The following SGSM1 variants were observed in gnomAD, a reference collection of about 807,000 sequenced individuals.
The protein encoded by SGSM1 is small G protein signaling modulator 1, also known as RUN and TBC1 domain containing 2.
A neutral mutation model predicts 133.8 loss-of-function variants in SGSM1; 73 were observed. That is an observed-to-expected ratio of 0.55 (90% confidence interval 0.45 to 0.66). The LOEUF is 0.66. Among genes scored for constraint, SGSM1 ranks in the 30% least tolerant of loss-of-function variants. The probability of loss-of-function intolerance (pLI) is 0.00; values close to 1 mark genes in which losing one functional copy is unlikely to be tolerated. For synonymous variants in SGSM1, 563 were observed against 573.0 expected, an observed-to-expected ratio of 0.98 and a Z score of 0.25; for missense variants, 1,213 against 1,448.1, an observed-to-expected ratio of 0.84 and a Z score of 2.64.
intron 2 of SGSM1, among the ~76,000 whole-genome samples, chr22:24,829,734 G>A (rs58104807): frequency 0.053 from 7,999 of 152,212 alleles, 730 homozygotes; most frequent in African/African-American, 0.18. Context: ...AAAATGGAAT[G>A]ATTTGGGGAC....
At chr22:24,887,360 G>A (rs1187164558) in intron 16 of SGSM1, among the ~76,000 whole-genome samples, 1 of 152,132 alleles carries the variant, frequency 6.6e-6, no homozygotes, top group African/African-American at 2.4e-5. Flanking sequence ...ATGATACAGT[G>A]TGTAATGTTT....
chr22:24,898,395 G>A lies in SGSM1; in HGVS notation c.2446G>A (p.Gly816Ser). The A allele has an allele frequency of 6.2e-7, 1 of 1,613,890 alleles. No individual in the cohort carries two copies. The highest frequency in any genetic ancestry group is 8.5e-7 in the Non-Finnish European group (1 of 1,179,876). Residue 816 changes from glycine (G) to serine (S), a missense_variant, in exon 19 of 25, where the codon GGC (glycine) becomes AGC (serine). Transcript: ENST00000400358. ...TGAAAAGGACGATGTTGTGATGGAG[G>A]GCTGGAGGAGCAGCGAGACAGAGAA... ...LPEKDDVVME[G>S]WRSSETEKHG...
At chr22:24,814,546 C>T (rs1927952203) in intron 2 of SGSM1, among the ~76,000 whole-genome samples, 1 of 152,006 alleles carries the variant, frequency 6.6e-6, no homozygotes, top group Admixed American at 6.6e-5. Context: ...AGTGTGGGGT[C>T]AGGGAGAAGG....
chr22:24,831,184 T>C (rs549413299), intron 2 of SGSM1, among the ~76,000 whole-genome samples: 17 of 150,762 alleles, frequency 1.1e-4, no homozygotes, highest in Admixed American at 8.6e-4. Context: ...CACCAGGAGG[T>C]GGAGCGCAGG....
intron 8 of SGSM1, among the ~76,000 whole-genome samples, chr22:24,858,843 A>G (rs979607781): frequency 5.3e-5 from 8 of 152,198 alleles, no homozygotes; most frequent in African/African-American, 1.9e-4. Context: ...TACATTTCAC[A>G]TGTGAAATAA....
Position 24,854,980 on chromosome 22 carries a change from T to G in SGSM1, c.456-16T>G. 1 of 1,610,820 alleles carries G rather than the reference T, an allele frequency of 6.2e-7. No individual in the cohort carries two copies. Among genetic ancestry groups the G allele is most frequent in the Non-Finnish European group, 8.5e-7 (1 of 1,177,952 alleles). ...CTGGTCTCCATCCAAACCTGCATAT[T>G]CTCTCCTCTTGCTAGTAAATACTAT... On this transcript the variant is annotated splice_polypyrimidine_tract_variant and intron_variant, in intron 5 of 24. Coordinates refer to ENST00000400358, the MANE Select transcript of SGSM1 (RefSeq NM_001098497.3).
intron 20 of SGSM1, among the ~76,000 whole-genome samples, chr22:24,903,793 G>A (rs966819338): frequency 5.3e-5 from 8 of 151,952 alleles, no homozygotes; most frequent in African/African-American, 1.2e-4. Flanking sequence ...CCAACATGGC[G>A]AAACCCTGTC....
intron 2 of SGSM1, chr22:24,844,542 A>G: frequency 1.1e-5 from 2 of 179,478 alleles, no homozygotes; most frequent in Non-Finnish European, 2.3e-5. Flanking sequence ...AAAAAGAATG[A>G]GAATAGTGGT....
At chr22:24,880,578 G>A (rs1417254952) in intron 14 of SGSM1, among the ~76,000 whole-genome samples, 2 of 152,240 alleles carry the variant, frequency 1.3e-5, no homozygotes, top group African/African-American at 4.8e-5. Context: ...CTCACACCCT[G>A]AGTGCCTGGA....
rs1932040184 is a variant in SGSM1 at position 24,876,644 on chromosome 22, GTCC to G, written c.1364_1366del (p.Ser455del). On this transcript the variant is annotated inframe_deletion, in exon 13 of 25. Coordinates refer to ENST00000400358, the MANE Select transcript of SGSM1 (RefSeq NM_001098497.3). ...CCCTGTGGCAGCCCAGTCCCCGGAA[GTCC>G]TCCTGTTCATCCTGTTCACAGAGTG... 1 of 1,614,026 alleles carries G rather than the reference GTCC, an allele frequency of 6.2e-7. No individual in the cohort carries two copies. The highest frequency in any genetic ancestry group is 2.2e-5 in the East Asian group (1 of 44,878).
intron 19 of SGSM1, among the ~76,000 whole-genome samples, chr22:24,901,560 C>T (rs1569171548): frequency 6.6e-6 from 1 of 152,126 alleles, no homozygotes; most frequent in Non-Finnish European, 1.5e-5. Flanking sequence ...CTGTGCAGTT[C>T]TTCATTCTCC....
chr22:24,897,764 C>T (rs565198277), intron 18 of SGSM1, among the ~76,000 whole-genome samples: 6 of 152,364 alleles, frequency 3.9e-5, no homozygotes, highest in Admixed American at 2.0e-4. Context: ...CCACCATGCC[C>T]AGCCTAGATC....
intron 2 of SGSM1, among the ~76,000 whole-genome samples, chr22:24,829,338 G>A (rs6004305): frequency 0.082 from 12,508 of 152,044 alleles, 1,381 homozygotes; most frequent in African/African-American, 0.25. Flanking sequence ...TGATGAGAAC[G>A]TATGGACACA....
intron 20 of SGSM1, among the ~76,000 whole-genome samples, chr22:24,904,545 A>C (rs113356471): frequency 0.015 from 2,164 of 146,562 alleles, 57 homozygotes; most frequent in African/African-American, 0.053. Flanking sequence ...ACGCCACTGC[A>C]CTCCAGCCTG....
In SGSM1 at chr22:24,850,441, G is replaced by C; in HGVS notation, c.455+9G>C. ...CTTGTGGAAAACAGCAGGTGAGAGG[G>C]AAAGACCTGACACCTGGCCATGCTC... is the stretch of plus-strand genomic sequence containing the variant. On this transcript the variant is annotated intron_variant, in intron 5 of 24. Transcript: ENST00000400358. 9.9e-6 allele frequency: 16 copies of C among 1,613,570 alleles called. No homozygotes were observed. Among genetic ancestry groups the C allele is most frequent in the Non-Finnish European group, 1.4e-5 (16 of 1,179,632 alleles).
At chr22:24,873,986 C>T (rs62231156) in intron 12 of SGSM1, among the ~76,000 whole-genome samples, 2 of 152,208 alleles carry the variant, frequency 1.3e-5, no homozygotes, top group Non-Finnish European at 1.5e-5. Flanking sequence ...AATGATAGTA[C>T]TGTACTCAGT....
chr22:24,896,086 C>T (rs1474794116), intron 18 of SGSM1, among the ~76,000 whole-genome samples: 3 of 152,088 alleles, frequency 2.0e-5, no homozygotes, highest in Admixed American at 2.0e-4. Context: ...CAAAAACATG[C>T]ATAGTGTGTT....
chr22:24,843,419 CAGAT>C lies in SGSM1; in HGVS notation c.64-1477_64-1474del, dbSNP rs150836770. The C allele has an allele frequency of 9.9e-3, 1,521 of 153,120 alleles. 12 individuals carry two copies. Among genetic ancestry groups the C allele is most frequent in the Non-Finnish European group, 0.017 (1,137 of 68,584 alleles). 9.5% of individuals were successfully genotyped at this position (153,120 alleles called of 1,614,324 possible). On this transcript the variant is annotated intron_variant, in intron 2 of 24. Transcript: ENST00000400358. ...GGCAGGGAGGGCCTGGGACAGCTCT[CAGAT>C]GGATGCATGGATGTGCTGGCCTGGT...
chr22:24,906,807 C>T (rs1245357439), intron 21 of SGSM1, among the ~76,000 whole-genome samples: 5 of 151,924 alleles, frequency 3.3e-5, no homozygotes, highest in African/African-American at 1.2e-4. Flanking sequence ...CAAAAATAGC[C>T]AGGCGTGGTG....
Sources: allele counts gnomAD v4.1 joint callset (sites outside exome capture counted in the v4.1 genomes callset), GRCh38; gene constraint gnomAD v4.1.1; transcripts MANE v1.5; gene names NCBI Gene and HGNC (gene_info 2026-07-23, HGNC 2026-07-21).